Variants in KATNAL2 observed in about 807,000 individuals in gnomAD.
The protein encoded by KATNAL2 is katanin p60 ATPase-containing subunit A-like 2.
KATNAL2 carries 52 observed loss-of-function variants against 76.3 expected under a neutral mutation model. The observed-to-expected ratio is 0.68, with a 90% CI of 0.55 to 0.86. KATNAL2 has a LOEUF of 0.86. Ranked by LOEUF, KATNAL2 falls within the 40% of genes least tolerant of loss-of-function variation. KATNAL2 has a pLI of 0.00. For missense variants in KATNAL2, 660 were observed against 668.9 expected (o/e 0.99, Z 0.15); for synonymous variants, 243 against 244.2 (o/e 1.00, Z 0.05).
At chr18:47,075,607 A>C (rs185332712) in intron 14 of KATNAL2, among the ~76,000 whole-genome samples, 1 of 152,298 alleles carries the variant, frequency 6.6e-6, no homozygotes, top group Admixed American at 6.5e-5. Flanking sequence ...CCCGTTCCCC[A>C]CAGAGTGGTT....
intron 1 of KATNAL2, among the ~76,000 whole-genome samples, chr18:46,922,668 A>G (rs779674095): frequency 1.6e-4 from 25 of 151,692 alleles, no homozygotes; most frequent in Non-Finnish European, 3.1e-4. Flanking sequence ...GTGGTGGTGC[A>G]TGCCTGTAAT....
At chr18:46,920,059 G>A (rs757168364) in intron 1 of KATNAL2, 14 of 1,289,198 alleles carry the variant, frequency 1.1e-5, no homozygotes, top group South Asian at 6.2e-5. Flanking sequence ...TGAAACTTAC[G>A]TGCAGTGTTC....
chr18:47,031,342 C>G (rs114670482), intron 3 of KATNAL2, among the ~76,000 whole-genome samples: 1 of 151,866 alleles, frequency 6.6e-6, no homozygotes, highest in Non-Finnish European at 1.5e-5. Flanking sequence ...TGTATGTTTT[C>G]GGCTTTTGTT....
At chr18:47,043,410 G>T (rs1305801703) in intron 3 of KATNAL2, among the ~76,000 whole-genome samples, 1 of 152,076 alleles carries the variant, frequency 6.6e-6, no homozygotes, top group Non-Finnish European at 1.5e-5. Flanking sequence ...CTTTACTCAA[G>T]AGAATGTGTG....
At chr18:47,066,176 T>C (rs1177514509) in intron 10 of KATNAL2, among the ~76,000 whole-genome samples, 1 of 151,794 alleles carries the variant, frequency 6.6e-6, no homozygotes, top group Non-Finnish European at 1.5e-5. Flanking sequence ...TAGTTTCAGA[T>C]TTTTTCTGTA....
chr18:47,032,385 C>G (rs1414072832), intron 3 of KATNAL2, among the ~76,000 whole-genome samples: 1 of 152,158 alleles, frequency 6.6e-6, no homozygotes, highest in Non-Finnish European at 1.5e-5. Flanking sequence ...AAGCTGGGAC[C>G]ACATGGACCG....
chr18:47,072,604 C>T (rs1384859683), intron 13 of KATNAL2, among the ~76,000 whole-genome samples: 1 of 152,130 alleles, frequency 6.6e-6, no homozygotes, highest in East Asian at 1.9e-4. Context: ...CACCACCAAG[C>T]CCAGCTAATT....
At chr18:46,947,484 A>G (rs1201647854) in intron 3 of KATNAL2, among the ~76,000 whole-genome samples, 4 of 152,088 alleles carry the variant, frequency 2.6e-5, no homozygotes, top group Non-Finnish European at 4.4e-5. Flanking sequence ...CGTGGTCTGT[A>G]TCACCTGCTA....
intron 1 of KATNAL2, among the ~76,000 whole-genome samples, chr18:46,944,519 G>A (rs2059332321): frequency 6.6e-6 from 1 of 152,096 alleles, no homozygotes; most frequent in Admixed American, 6.5e-5. Flanking sequence ...TGGATCACTT[G>A]AGGTCAGGAG....
intron 15 of KATNAL2, chr18:47,084,417 A>G: frequency 2.8e-6 from 2 of 702,644 alleles, no homozygotes; most frequent in East Asian, 2.7e-5. Context: ...CTAGATCAAC[A>G]TTTTTCCAAA....
At chr18:47,035,160 G>A (rs761594174) in intron 3 of KATNAL2, 3 of 1,612,088 alleles carry the variant, frequency 1.9e-6, no homozygotes, top group South Asian at 1.1e-5. Context: ...TGGGCAAGGC[G>A]GAGAGTTTCT....
At chr18:47,024,649 A>C (rs1228369460) in intron 3 of KATNAL2, among the ~76,000 whole-genome samples, 18 of 30,500 alleles carry the variant, frequency 5.9e-4, no homozygotes, top group African/African-American at 3.0e-3. Context: ...AAGAGGAAAA[A>C]GGCGTATTTT....
At chr18:47,039,336 C>A (rs1035082940) in intron 3 of KATNAL2, among the ~76,000 whole-genome samples, 3 of 152,150 alleles carry the variant, frequency 2.0e-5, no homozygotes, top group Non-Finnish European at 4.4e-5. Flanking sequence ...AATTTTAGAA[C>A]CTTTTCATTA....
intron 15 of KATNAL2, among the ~76,000 whole-genome samples, chr18:47,084,873 A>AAAAAAAAAAAAAC (rs2062702671): frequency 6.7e-6 from 1 of 149,098 alleles, no homozygotes; most frequent in Non-Finnish European, 1.5e-5. Flanking sequence ...AAAAAAAAAA[A>AAAAAAAAAAAAAC]AAGCCTGCCT....
intron 15 of KATNAL2, chr18:47,098,561 T>A (rs1369049727): frequency 6.4e-6 from 1 of 155,806 alleles, no homozygotes; most frequent in Non-Finnish European, 1.4e-5. Flanking sequence ...AAGATGAGAT[T>A]TGGGTGGGGA....
At chr18:47,095,857 C>G (rs1392984214) in intron 15 of KATNAL2, among the ~76,000 whole-genome samples, 1 of 152,162 alleles carries the variant, frequency 6.6e-6, no homozygotes. Context: ...ATGAGCACAT[C>G]CTCAATTGGA....
At chr18:46,952,248 A>AT (rs1353184724) in intron 3 of KATNAL2, among the ~76,000 whole-genome samples, 3 of 150,980 alleles carry the variant, frequency 2.0e-5, no homozygotes, top group African/African-American at 4.9e-5. Flanking sequence ...AAATTTTTTT[A>AT]TTTTTTGTAG....
Position 46,923,761 on chromosome 18 carries a change from G to A in KATNAL2, c.-510+5835G>A, listed in dbSNP as rs577296015. Among the ~76,000 whole-genome samples the A allele has an allele frequency of 2.1e-4, 32 of 152,280 alleles. 1 individual carries two copies. Among genetic ancestry groups the A allele is most frequent in the Non-Finnish European group, 3.4e-4 (23 of 68,030 alleles). On this transcript the variant is annotated intron_variant, in intron 1 of 17. Transcript: ENST00000683218. ...ATTGTCTCCTGACTTTTTAATGATC[G>A]ACATTCTAACTGGTGGGAGATGGTA...
intron 6 of KATNAL2, chr18:47,054,717 AC>A: frequency 2.8e-6 from 1 of 356,478 alleles, no homozygotes; most frequent in Non-Finnish European, 5.0e-6. Flanking sequence ...AGGTTAAAAG[AC>A]CCAGGTTCAA....
Sources: gnomAD v4.1 joint callset for allele counts (sites outside exome capture counted in the v4.1 genomes callset) on GRCh38, gnomAD v4.1.1 for gene constraint, MANE v1.5 for transcripts, NCBI Gene and HGNC (gene_info 2026-07-23, HGNC 2026-07-21) for gene names.